The following MIPOL1 variants were observed in gnomAD, a reference collection of about 807,000 sequenced individuals.
MIPOL1 encodes the protein mirror-image polydactyly gene 1 protein.
MIPOL1 carries 57 observed loss-of-function variants against 60.9 expected under a neutral mutation model. The ratio of observed to expected loss-of-function variants is 0.94; its 90% confidence interval spans 0.76 to 1.17. The LOEUF (loss-of-function observed/expected upper bound fraction) is 1.17. MIPOL1 is among the 50% of genes most tolerant of loss of function. MIPOL1 has a pLI of 0.00. For missense variants in MIPOL1, 551 were observed against 511.6 expected, an observed-to-expected ratio of 1.08 and a Z score of -0.74; for synonymous variants, 179 against 168.8, an observed-to-expected ratio of 1.06 and a Z score of -0.47.
chr14:37,272,353 A>C (rs2083359823), intron 6 of MIPOL1, among the ~76,000 whole-genome samples: 2 of 151,784 alleles, frequency 1.3e-5, no homozygotes, highest in South Asian at 4.1e-4. Flanking sequence ...AGAGACTTAA[A>C]GTATTTTTCC....
intron 1 of MIPOL1, among the ~76,000 whole-genome samples, chr14:37,228,863 G>A (rs891423983): frequency 2.6e-5 from 4 of 152,144 alleles, no homozygotes; most frequent in Admixed American, 6.6e-5. Context: ...AGGACAAGGC[G>A]GGAGAATTGC....
At chr14:37,342,883 T>C (rs2090675761) in intron 9 of MIPOL1, among the ~76,000 whole-genome samples, 1 of 150,176 alleles carries the variant, frequency 6.7e-6, no homozygotes, top group Admixed American at 6.7e-5. Context: ...AATTAGTCTT[T>C]TATGGATAAT....
At chr14:37,292,856 C>A (rs2153418838) in intron 7 of MIPOL1, among the ~76,000 whole-genome samples, 1 of 152,206 alleles carries the variant, frequency 6.6e-6, no homozygotes, top group Non-Finnish European at 1.5e-5. Flanking sequence ...CTCTTGCTAC[C>A]TTTCTATATA....
intron 10 of MIPOL1, among the ~76,000 whole-genome samples, chr14:37,412,424 G>A (rs1343937420): frequency 6.6e-6 from 1 of 151,954 alleles, no homozygotes; most frequent in Admixed American, 6.6e-5. Flanking sequence ...TTTATCATTG[G>A]AATGGAATAG....
intron 3 of MIPOL1, among the ~76,000 whole-genome samples, chr14:37,252,384 G>C (rs192386436): frequency 7.2e-4 from 110 of 151,990 alleles, no homozygotes; most frequent in African/African-American, 2.5e-3. Context: ...TTGGAGGCTA[G>C]TAAATATTTA....
chr14:37,525,647 G>T (rs1178833305), intron 12 of MIPOL1, among the ~76,000 whole-genome samples: 1 of 152,156 alleles, frequency 6.6e-6, no homozygotes, highest in Non-Finnish European at 1.5e-5. Context: ...GTTCCCGGAA[G>T]CAGCCTATAA....
intron 1 of MIPOL1, among the ~76,000 whole-genome samples, chr14:37,231,939 G>A (rs918759206): frequency 3.9e-5 from 6 of 151,928 alleles, no homozygotes; most frequent in Admixed American, 2.6e-4. Flanking sequence ...AAAAGTAGCC[G>A]GATATGGTGG....
Position 37,285,426 on chromosome 14 carries a change from A to G in MIPOL1, c.602A>G (p.His201Arg), listed in dbSNP as rs368945698. Reference protein sequence around the residue: ...ERDEAIARAKHMEMSLKVLEN... With the variant: ...ERDEAIARAKRMEMSLKVLEN... ...GATGAAGCAATTGCACGAGCCAAGC[A>G]TATGGAAATGTCTCTAAAAGTGTAT... Residue 201 changes from histidine to arginine, a missense_variant, in exon 7 of 13, where the codon CAT (histidine) becomes CGT (arginine). Transcript: ENST00000684589. The G allele has an allele frequency of 6.8e-6, 11 of 1,613,930 alleles. No individual in the cohort carries two copies. The African/African-American group carries it at 1.1e-4, about 16-fold the overall frequency.
chr14:37,354,167 C>T (rs1205811273), intron 9 of MIPOL1, among the ~76,000 whole-genome samples: 4 of 151,748 alleles, frequency 2.6e-5, no homozygotes, highest in East Asian at 3.9e-4. Context: ...GTTATCTACC[C>T]AGTAGTCATT....
At position 37,550,272 on chromosome 14, in the gene MIPOL1, C is replaced by A. The variant is rs993175950; in HGVS notation, c.*3301C>A. 4.0e-5 allele frequency: 6 copies of A among 150,598 alleles called. No individual in the cohort carries two copies. The highest frequency in any genetic ancestry group is 2.1e-4 in the South Asian group (1 of 4,810). 9.3% of individuals were successfully genotyped at this position (150,598 alleles called of 1,614,324 possible). ...ATACTTTTAATATTGAATATAGTTTCGTAGAAAAACATTTTATATGTACTA... is the reference window on the plus strand; with the variant it reads ...ATACTTTTAATATTGAATATAGTTTAGTAGAAAAACATTTTATATGTACTA... On this transcript the variant is annotated 3_prime_UTR_variant, in exon 13 of 13. Transcript: ENST00000684589.
intron 12 of MIPOL1, chr14:37,503,656 C>G (rs1270698102): frequency 6.6e-6 from 1 of 152,118 alleles, no homozygotes; most frequent in Non-Finnish European, 1.5e-5. Flanking sequence ...AAAAACATGC[C>G]AAATTGTAAA....
intron 7 of MIPOL1, among the ~76,000 whole-genome samples, chr14:37,296,077 A>G (rs1217151939): frequency 6.6e-6 from 1 of 152,208 alleles, no homozygotes; most frequent in Non-Finnish European, 1.5e-5. Flanking sequence ...CAGCAAATGT[A>G]AAAGAACAGA....
intron 12 of MIPOL1, among the ~76,000 whole-genome samples, chr14:37,526,275 C>T (rs2095445889): frequency 6.6e-6 from 1 of 150,612 alleles, no homozygotes. Flanking sequence ...ACTATTATTC[C>T]TGATAAGGAA....
chr14:37,264,404 T>C (rs1240006828), intron 3 of MIPOL1, among the ~76,000 whole-genome samples: 1 of 151,752 alleles, frequency 6.6e-6, no homozygotes, highest in Non-Finnish European at 1.5e-5. Flanking sequence ...GGCAGGAGGA[T>C]TGCTTGAGCC....
chr14:37,514,726 A>G (rs1013757328), intron 12 of MIPOL1, among the ~76,000 whole-genome samples: 1 of 151,510 alleles, frequency 6.6e-6, no homozygotes, highest in Non-Finnish European at 1.5e-5. Context: ...AGTTCATGCG[A>G]TTCTCCTGCC....
chr14:37,261,730 G>T (rs1469940526), intron 3 of MIPOL1, among the ~76,000 whole-genome samples: 3 of 152,202 alleles, frequency 2.0e-5, no homozygotes, highest in South Asian at 2.1e-4. Flanking sequence ...TTTTCTAAAA[G>T]ATTTATGTAA....
chr14:37,362,813 ACTCTTTTTT>A (rs2092322876), intron 9 of MIPOL1, among the ~76,000 whole-genome samples: 1 of 151,394 alleles, frequency 6.6e-6, no homozygotes, highest in Non-Finnish European at 1.5e-5. Flanking sequence ...GTTTCTTTTT[ACTCTTTTTT>A]CTCTAAACTT....
chr14:37,219,107 G>A (rs1439373861), intron 1 of MIPOL1, among the ~76,000 whole-genome samples: 1 of 152,122 alleles, frequency 6.6e-6, no homozygotes, highest in African/African-American at 2.4e-5. Context: ...CAGGGAGGGG[G>A]TCAGTGGATG....
At chr14:37,400,859 T>C (rs977528572) in intron 10 of MIPOL1, 4 of 152,142 alleles carry the variant, frequency 2.6e-5, no homozygotes, top group African/African-American at 9.7e-5. Flanking sequence ...ACCCATACCA[T>C]CTGATATGAA....
Sources: gnomAD v4.1 joint callset for allele counts (sites outside exome capture counted in the v4.1 genomes callset) on GRCh38, gnomAD v4.1.1 for gene constraint, MANE v1.5 for transcripts, NCBI Gene and HGNC (gene_info 2026-07-23, HGNC 2026-07-21) for gene names.